The following NPEPL1 variants were observed in gnomAD, a reference collection of about 807,000 sequenced individuals.
NPEPL1 encodes the protein probable aminopeptidase NPEPL1.
Under a neutral mutation model 52.4 loss-of-function variants are expected in NPEPL1, and 45 were observed. That is an observed-to-expected ratio of 0.86 (90% CI 0.68 to 1.10). The LOEUF (loss-of-function observed/expected upper bound fraction) is 1.10, where lower values mean the gene tolerates loss of function less well. Ranked by LOEUF, NPEPL1 falls within the 50% of genes least tolerant of loss-of-function variation. The pLI is 0.00. For missense variants in NPEPL1, 696 were observed against 710.9 expected (o/e 0.98, Z 0.24); for synonymous variants, 360 against 314.7 (o/e 1.14, Z -1.52).
At chr20:58,695,305 A>ATGAGTGGTGTGTGTGTGGT (rs2084462175) in intron 3 of NPEPL1, among the ~76,000 whole-genome samples, 2 of 124,468 alleles carry the variant, frequency 1.6e-5, no homozygotes, top group African/African-American at 5.3e-5. Flanking sequence ...TATGAGTGCT[A>ATGAGTGGTGTGTGTGTGGT]GTGTGTGCAT....
At chr20:58,705,762 A>G (rs2084724075) in intron 6 of NPEPL1, among the ~76,000 whole-genome samples, 1 of 152,230 alleles carries the variant, frequency 6.6e-6, no homozygotes, top group South Asian at 2.1e-4. Flanking sequence ...CGGGGGAGAC[A>G]TGGTGTACAG....
chr20:58,698,806 A>G, intron 4 of NPEPL1, 33 bp downstream of exon 4: 14 of 1,573,246 alleles, frequency 8.9e-6, no homozygotes, highest in Non-Finnish European at 1.2e-5. Flanking sequence ...GGGTGGGACC[A>G]GGCTGGGGTG....
upstream of NPEPL1, chr20:58,691,886 C>T: frequency 2.8e-6 from 3 of 1,063,754 alleles, no homozygotes; most frequent in Non-Finnish European, 4.3e-6. Flanking sequence ...AATGCATCGT[C>T]ATTCCCTGAC....
At chr20:58,689,822 AAC>A (rs35608871), upstream of NPEPL1, among the ~76,000 whole-genome samples, 42,388 of 149,976 alleles carry the variant, frequency 0.28, 7,942 homozygotes, top group African/African-American at 0.54. Context: ...CACATGCACA[AAC>A]ACACACACAC....
intron 4 of NPEPL1, 36 bp from the exon 5 acceptor site, chr20:58,699,161 T>G (rs1404542912): frequency 2.0e-6 from 3 of 1,528,332 alleles, no homozygotes; most frequent in East Asian, 2.4e-5. Flanking sequence ...TCTTCATGTG[T>G]TGTTGTGCTG....
At chr20:58,691,570 C>G (rs908687632), upstream of NPEPL1, 32 of 638,780 alleles carry the variant, frequency 5.0e-5, no homozygotes, top group Non-Finnish European at 8.0e-5. Flanking sequence ...AAGGTGAAAG[C>G]CTGGCTTGTG....
intron 1 of NPEPL1, 76 bp from the exon 2 acceptor site, chr20:58,693,661 T>G: frequency 1.5e-6 from 2 of 1,364,888 alleles, no homozygotes. Flanking sequence ...GTTGTGGCCG[T>G]GGCTGCAGGG....
In NPEPL1 at chr20:58,703,740, A is replaced by T. The variant is rs1382679441; in HGVS notation, c.822+2582A>T. 14 of 984,498 alleles carry T rather than the reference A, an allele frequency of 1.4e-5. No individual in the cohort carries two copies. The African/African-American group carries it at 2.3e-4, about 16-fold the overall frequency. 61.0% of individuals were successfully genotyped at this position (984,498 alleles called of 1,614,324 possible). ...AGCTCCCGGCCTGGAAATTAACACA[A>T]AGGAAAAACCTGACCACACAGGCCT... On this transcript the variant is annotated intron_variant, in intron 6 of 11. Coordinates refer to ENST00000356091, the MANE Select transcript of NPEPL1 (RefSeq NM_024663.4).
At position 58,715,520 on chromosome 20, in the gene NPEPL1, C is replaced by T. The variant is rs1210228450; in HGVS notation, c.*194C>T. The T allele has an allele frequency of 1.6e-5, 9 of 562,534 alleles. No homozygotes were observed. The highest frequency in any genetic ancestry group is 3.9e-5 in the African/African-American group (2 of 51,108). The allele number at this position is 562,534 out of a possible 1,614,324, so 34.8% of individuals were successfully genotyped here. A position where few individuals can be genotyped will look rare whatever the true frequency, so the allele number is the denominator to read the frequency against. On this transcript the variant is annotated 3_prime_UTR_variant, in exon 12 of 12. Coordinates refer to ENST00000356091, the MANE Select transcript of NPEPL1 (RefSeq NM_024663.4). ...GGGCCACGGGGAGGGGACCGGGAAG[C>T]GCTGGGGCTTGTTTCTGTTTGTTAC...
At chr20:58,693,202 GC>G in intron 1 of NPEPL1, 152 bp downstream of exon 1, 1 of 434,400 alleles carries the variant, frequency 2.3e-6, no homozygotes, top group Non-Finnish European at 3.1e-6. Context: ...CAGCCGCCAG[GC>G]CAGTCCTCGC....
intron 11 of NPEPL1, 142 bp from the exon 12 acceptor site, chr20:58,715,026 C>A: frequency 2.1e-6 from 2 of 961,398 alleles, no homozygotes; most frequent in South Asian, 1.7e-5. Context: ...AGGCTCTGGG[C>A]TCCGGCTGGT....
upstream of NPEPL1, chr20:58,691,774 C>CTT (rs1321223320): frequency 6.8e-7 from 1 of 1,476,066 alleles, no homozygotes; most frequent in Non-Finnish European, 9.1e-7. Context: ...TATGGAACTA[C>CTT]ATGGAGGTAA....
chr20:58,712,647 C>T (rs751175040), intron 8 of NPEPL1, 68 bp downstream of exon 8: 23 of 1,082,184 alleles, frequency 2.1e-5, no homozygotes, highest in Non-Finnish European at 2.3e-5. Flanking sequence ...GCCTGCAATG[C>T]CAGCTCACTC....
chr20:58,713,347 C>G lies in NPEPL1; in HGVS notation c.1002-73C>G. On this transcript the variant is annotated intron_variant, in intron 8 of 11. Coordinates refer to ENST00000356091, the MANE Select transcript of NPEPL1 (RefSeq NM_024663.4). This position sits in a 1 kb window ranked among gnomAD's most constrained non-coding sequence, Gnocchi z 4.6. ...ATGGGCAGCTCCAAATGGGGTCTCC[C>G]CAGTTTCAAAGGGGCTCATGCCAGT... 1 of 1,491,652 alleles carries G rather than the reference C, an allele frequency of 6.7e-7. No homozygotes were observed. The highest frequency in any genetic ancestry group is 1.9e-4 in the Middle Eastern group (1 of 5,404). 92.4% of individuals were successfully genotyped at this position (1,491,652 alleles called of 1,614,324 possible).
Position 58,692,979 on chromosome 20 carries a change from C to T in NPEPL1, c.79C>T (p.Gln27Ter). 1 of 1,192,502 alleles carries T rather than the reference C, an allele frequency of 8.4e-7. No individual in the cohort carries two copies. The highest frequency in any genetic ancestry group is 1.1e-6 in the Non-Finnish European group (1 of 942,696). 73.9% of individuals were successfully genotyped at this position (1,192,502 alleles called of 1,614,324 possible). A position where few individuals can be genotyped will look rare whatever the true frequency, so the allele number is the denominator to read the frequency against. The change falls in exon 1 of 12, where the codon CAG (glutamine) becomes TAG (stop). Residue 27 changes from glutamine to a stop codon, truncating the protein, a stop_gained. Coordinates refer to ENST00000356091, the MANE Select transcript of NPEPL1 (RefSeq NM_024663.4). LOFTEE classifies it high-confidence loss of function. The surrounding 1 kb of genome is among the most constrained non-coding windows in gnomAD (Gnocchi z 5.7). ...GAGCCGGCCCCTGCTGCTGCTCGGG[C>T]AGCTGCACCACCTGCACCGCGTGCC... Reference protein sequence around the residue: ...PQSRPLLLLGQLHHLHRVPWS... With the variant: ...PQSRPLLLLG
chr20:58,708,609 C>G (rs538044151), intron 7 of NPEPL1, among the ~76,000 whole-genome samples: 159 of 152,328 alleles, frequency 1.0e-3, no homozygotes, highest in African/African-American at 3.6e-3. Flanking sequence ...GTGCGCTACT[C>G]CTTCACTGGT....
chr20:58,715,167 G>A lies in NPEPL1; in HGVS notation c.1414-1G>A, dbSNP rs757852095. 10 of 1,600,396 alleles carry A rather than the reference G, an allele frequency of 6.2e-6. No homozygotes were observed. Among genetic ancestry groups the A allele is most frequent in the Admixed American group, 3.4e-5 (2 of 58,690 alleles). The stretch of plus-strand genomic sequence containing the variant: ...GTCTGTGTCCTGCCCTTTGCTTGCA[G>A]GGTGAGCGAGCCACAGGCTTCGGTG... On this transcript the variant is annotated splice_acceptor_variant, in intron 11 of 11. Coordinates refer to ENST00000356091, the MANE Select transcript of NPEPL1 (RefSeq NM_024663.4). LOFTEE classifies it high-confidence loss of function.
upstream of NPEPL1, chr20:58,691,394 TTTTTTTTG>T (rs2084340796): frequency 4.1e-6 from 2 of 487,670 alleles, no homozygotes; most frequent in African/African-American, 3.5e-5. Flanking sequence ...TTTTTTTTTT[TTTTTTTTG>T]AGTGCCTGCT....
chr20:58,691,693 C>CTGTTTTTTTTTTTTTTTTTTTTTTTT, upstream of NPEPL1: 2 of 561,314 alleles, frequency 3.6e-6, no homozygotes, highest in South Asian at 2.2e-5. Flanking sequence ...TTTTTCTTTT[C>CTGTTTTTTTTTTTTTTTTTTTTTTTT]TTTTTTTTTT....
Sources: gnomAD v4.1 joint callset for allele counts (sites outside exome capture counted in the v4.1 genomes callset) on GRCh38, gnomAD v4.1.1 for gene constraint, Gnocchi (gnomAD v3.1) non-coding constraint, MANE v1.5 for transcripts, NCBI Gene and HGNC (gene_info 2026-07-23, HGNC 2026-07-21) for gene names.